The following MATN1 variants were observed in gnomAD, a reference collection of about 807,000 sequenced individuals.
MATN1 encodes the protein matrilin 1, also known as matrilin-1.
In MATN1, 34 loss-of-function variants were observed where a neutral mutation model predicts 41.3. That is an observed-to-expected ratio of 0.82 (90% CI 0.63 to 1.10). The LOEUF (loss-of-function observed/expected upper bound fraction) is 1.10. Ranked by LOEUF, MATN1 falls within the 50% of genes least tolerant of loss-of-function variation. The pLI is 0.00. For synonymous variants in MATN1, 264 were observed against 278.7 expected (o/e 0.95, Z 0.53); for missense variants, 602 against 662.4 (o/e 0.91, Z 1.00).
At chr1:30,714,213 C>T in intron 7 of MATN1, 34 bp downstream of exon 7, 1 of 1,548,416 alleles carries the variant, frequency 6.5e-7, no homozygotes, top group Non-Finnish European at 8.8e-7. Context: ...GCCTGCGCCC[C>T]TCCCCAGCCC....
chr1:30,718,909 CGT>C lies in MATN1; in HGVS notation c.488_489del (p.Asp163GlyfsTer70), dbSNP rs1233460060. The part of the protein sequence containing the change: ...TDGRPQDSVQ[D>X]VSARARASGV... ...CCGCTGGCCCGGGCCCGCGCAGACA[CGT>C]CCTGCACGCTGTCCTGGGGCCTCCC... On this transcript the variant is annotated frameshift_variant, in exon 3 of 8. Coordinates refer to ENST00000373765, the MANE Select transcript of MATN1 (RefSeq NM_002379.3). LOFTEE classifies it high-confidence loss of function. 4 of 1,570,176 alleles carry C rather than the reference CGT, an allele frequency of 2.5e-6. No homozygotes were observed. In the East Asian group the frequency reaches 9.4e-5, roughly 37 times the overall value.
intron 1 of MATN1, 135 bp from the exon 2 acceptor site, chr1:30,721,886 A>C (rs996477569): frequency 3.0e-6 from 2 of 664,206 alleles, no homozygotes; most frequent in Non-Finnish European, 5.1e-6. Context: ...TCAGCTGGGC[A>C]GCTGAGCCCT....
intron 3 of MATN1, 45 bp downstream of exon 3, chr1:30,718,690 C>G: frequency 6.8e-7 from 1 of 1,471,524 alleles, no homozygotes; most frequent in South Asian, 1.3e-5. Flanking sequence ...GCCGCTCTCC[C>G]CTTCTCCGCC....
chr1:30,714,331 C>G lies in MATN1; in HGVS notation c.1361-4G>C. ...TCGCAGGCACACGGGTCTTCCTCTGCAGGGGACAAGGAGGAGGGAAAGAGA... is the reference window on the plus strand; with the variant it reads ...TCGCAGGCACACGGGTCTTCCTCTGGAGGGGACAAGGAGGAGGGAAAGAGA... On this transcript the variant is annotated splice_region_variant and splice_polypyrimidine_tract_variant and intron_variant, in intron 6 of 7. Coordinates refer to ENST00000373765, the MANE Select transcript of MATN1 (RefSeq NM_002379.3). 6.2e-7 allele frequency: 1 copy of G among 1,607,706 alleles called. No homozygotes were observed. Among genetic ancestry groups the G allele is most frequent in the Non-Finnish European group, 8.5e-7 (1 of 1,176,728 alleles).
chr1:30,714,641 TG>T (rs1639593843), intron 6 of MATN1, among the ~76,000 whole-genome samples: 2 of 152,288 alleles, frequency 1.3e-5, no homozygotes, highest in African/African-American at 4.8e-5. Context: ...CTCAGCCCTT[TG>T]GGTTTGAAGT....
At position 30,713,600 on chromosome 1, in the gene MATN1, C is replaced by T; in HGVS notation, c.1473G>A (p.Leu491=). 6.4e-7 allele frequency: 1 copy of T among 1,553,974 alleles called. No homozygotes were observed. The highest frequency in any genetic ancestry group is 8.7e-7 in the Non-Finnish European group (1 of 1,147,946). Residue 491 remains leucine, a synonymous_variant, in exon 8 of 8, where the codon CTG becomes CTA. Transcript: ENST00000373765. ...LEAVSKRLAI[L]ENTVV Reference sequence around the variant, plus strand: ...GGCAGCCTTAGACAACTGTGTTCTCCAGGATGGCCAGCCGCTTACTCACAG... The same window carrying T: ...GGCAGCCTTAGACAACTGTGTTCTCTAGGATGGCCAGCCGCTTACTCACAG...
intron 1 of MATN1, among the ~76,000 whole-genome samples, chr1:30,722,315 G>C (rs1279675742): frequency 6.6e-6 from 1 of 152,270 alleles, no homozygotes; most frequent in Non-Finnish European, 1.5e-5. Flanking sequence ...AGTGGAACCA[G>C]TTTCCCTCAG....
At position 30,721,430 on chromosome 1, in the gene MATN1, C is replaced by T. The variant is rs1266379225; in HGVS notation, c.416G>A (p.Arg139His). 3.7e-6 allele frequency: 6 copies of T among 1,610,720 alleles called. No homozygotes were observed. The highest frequency in any genetic ancestry group is 3.3e-5 in the Admixed American group (2 of 59,970). Residue 139 changes from arginine to histidine, a missense_variant, in exon 2 of 8, where the codon CGT (arginine) becomes CAT (histidine). Coordinates refer to ENST00000373765, the MANE Select transcript of MATN1 (RefSeq NM_002379.3). The stretch of plus-strand genomic sequence containing the variant: ...CTTGCTGATGTCAGGGGACCTGGAA[C>T]GACCACCCTCTGCATCGCCGAAGGC... ...TKAFGDAEGG[R>H]SRSPDISKVV...
At chr1:30,714,190 T>C (rs1639588150) in intron 7 of MATN1, 57 bp downstream of exon 7, 2 of 1,257,760 alleles carry the variant, frequency 1.6e-6, no homozygotes, top group Admixed American at 2.0e-5. Context: ...TGCCCCCGCC[T>C]CCCCCAACAC....
intron 3 of MATN1, 61 bp from the exon 4 acceptor site, chr1:30,716,976 G>GT: frequency 6.6e-7 from 1 of 1,526,320 alleles, no homozygotes; most frequent in Non-Finnish European, 8.8e-7. Flanking sequence ...CTACAGACAG[G>GT]TTGTCCCTCC....
chr1:30,721,181 T>G, intron 2 of MATN1: 1 of 573,936 alleles, frequency 1.7e-6, no homozygotes, highest in East Asian at 2.9e-5. Context: ...GATTGTAAGC[T>G]CCTAGGATGG....
intron 2 of MATN1, chr1:30,721,145 G>A (rs1010013075): frequency 4.0e-6 from 2 of 498,840 alleles, no homozygotes; most frequent in African/African-American, 1.9e-5. Context: ...AGACTGGTCG[G>A]GAACCAAGGT....
At position 30,714,283 on chromosome 1, in the gene MATN1, T is replaced by C. The variant is rs1461161462; in HGVS notation, c.1405A>G (p.Lys469Glu). ...ACESLVKFQAKVEGLLQALTR... is the reference protein window; with the variant it reads ...ACESLVKFQAEVEGLLQALTR... ...AGGGCCTGCAGCAGCCCCTCCACTT[T>C]GGCTTGGAATTTCACCAGGGACTCG... The change falls in exon 7 of 8, where the codon AAA becomes GAA. Residue 469 changes from lysine (K) to glutamate (E), a missense_variant. Transcript: ENST00000373765. The C allele has an allele frequency of 6.2e-7, 1 of 1,611,392 alleles. No homozygotes were observed. Among genetic ancestry groups the C allele is most frequent in the Admixed American group, 1.7e-5 (1 of 59,738 alleles).
At chr1:30,717,117 A>G (rs1639628239) in intron 3 of MATN1, among the ~76,000 whole-genome samples, 1 of 152,254 alleles carries the variant, frequency 6.6e-6, no homozygotes, top group South Asian at 2.1e-4. Flanking sequence ...GAAGAAGGTT[A>G]TAATGCTGAT....
rs541704287 is a variant in MATN1 at position 30,711,814 on chromosome 1, G to A, written c.*1768C>T. The A allele has an allele frequency of 2.0e-5, 3 of 152,198 alleles. No individual in the cohort carries two copies. The highest frequency in any genetic ancestry group is 2.9e-5 in the Non-Finnish European group (2 of 68,038). The allele number at this position is 152,198 out of a possible 1,614,324, so 9.4% of individuals were successfully genotyped here. A position where few individuals can be genotyped will look rare whatever the true frequency, so the allele number is the denominator to read the frequency against. ...ACCTGTGTGGGGAGGAGAGGGGAGT[G>A]GATAATCTCAGAAGAAAGGAAGAAT... On this transcript the variant is annotated 3_prime_UTR_variant, in exon 8 of 8. Transcript: ENST00000373765.
chr1:30,718,264 C>T (rs1321048115), intron 3 of MATN1, among the ~76,000 whole-genome samples: 1 of 151,742 alleles, frequency 6.6e-6, no homozygotes, highest in East Asian at 2.0e-4. Flanking sequence ...CGCCCCTAGC[C>T]TTGGCCCGCC....
intron 5 of MATN1, 96 bp from the exon 6 acceptor site, chr1:30,715,405 A>G: frequency 1.7e-6 from 2 of 1,195,674 alleles, no homozygotes; most frequent in East Asian, 4.7e-5. Context: ...AACACCAGAC[A>G]CCTCCTGCTG....
At chr1:30,716,993 G>A (rs542885622) in intron 3 of MATN1, 78 bp from the exon 4 acceptor site, 17 of 1,445,796 alleles carry the variant, frequency 1.2e-5, no homozygotes, top group Middle Eastern at 3.6e-4. Flanking sequence ...CTCCCTGACT[G>A]TGGATACCAG....
chr1:30,718,631 T>C, intron 3 of MATN1, 104 bp downstream of exon 3: 1 of 305,080 alleles, frequency 3.3e-6, no homozygotes. Context: ...CGGCGCTGGC[T>C]CCGTCTGCGC....
Sources: gnomAD v4.1 joint callset for allele counts (sites outside exome capture counted in the v4.1 genomes callset) on GRCh38, gnomAD v4.1.1 for gene constraint, MANE v1.5 for transcripts, NCBI Gene and HGNC (gene_info 2026-07-23, HGNC 2026-07-21) for gene names.